Variants in CNTLN observed in about 807,000 individuals in gnomAD.
CNTLN encodes centlein, centrosomal protein.
Under a neutral mutation model 180.0 loss-of-function variants are expected in CNTLN, and 212 were observed. The observed-to-expected ratio is 1.18, with a 90% CI of 1.05 to 1.32. The LOEUF (loss-of-function observed/expected upper bound fraction) is 1.32, where lower values mean the gene tolerates loss of function less well. CNTLN is among the 40% of genes most tolerant of loss of function. CNTLN has a pLI of 0.00. For missense variants in CNTLN, 2,095 were observed against 1,610.9 expected, an observed-to-expected ratio of 1.30 and a Z score of -5.14; for synonymous variants, 722 against 563.1, an observed-to-expected ratio of 1.28 and a Z score of -3.99.
downstream of CNTLN, among the ~76,000 whole-genome samples, chr9:17,505,098 T>G (rs1833908700): frequency 6.6e-6 from 1 of 151,552 alleles, no homozygotes; most frequent in South Asian, 2.1e-4. Flanking sequence ...TCATAAAATT[T>G]GATATAGAAA....
chr9:17,302,932 C>A (rs577115581), intron 7 of CNTLN, among the ~76,000 whole-genome samples: 2 of 152,088 alleles, frequency 1.3e-5, no homozygotes, highest in South Asian at 4.1e-4. Flanking sequence ...TTATGTAAAT[C>A]GAGATAAAAA....
chr9:17,359,365 T>G (rs1823110998), intron 12 of CNTLN, among the ~76,000 whole-genome samples: 1 of 151,946 alleles, frequency 6.6e-6, no homozygotes, highest in African/African-American at 2.4e-5. Flanking sequence ...AATGAAAAAT[T>G]GATAAATTGG....
At chr9:17,162,583 T>C (rs76653511) in intron 2 of CNTLN, among the ~76,000 whole-genome samples, 1,700 of 152,340 alleles carry the variant, frequency 0.011, 18 homozygotes, top group Non-Finnish European at 0.017. Context: ...AATAGTGGTC[T>C]TCAGGGAATC....
chr9:17,421,787 A>G (rs987529935), intron 18 of CNTLN, among the ~76,000 whole-genome samples: 7 of 152,160 alleles, frequency 4.6e-5, no homozygotes, highest in Admixed American at 4.6e-4. Context: ...CTTTGTAACC[A>G]ATTATTTTAA....
chr9:17,515,445 T>G, the CNTLN span, among the ~76,000 whole-genome samples: 19 of 152,270 alleles, frequency 1.2e-4, no homozygotes, highest in African/African-American at 2.6e-4. Flanking sequence ...TTTCCAGCCC[T>G]GACATCTCCC....
chr9:17,284,767 T>A (rs1163426132), intron 6 of CNTLN, among the ~76,000 whole-genome samples: 3 of 152,126 alleles, frequency 2.0e-5, no homozygotes, highest in Non-Finnish European at 4.4e-5. Context: ...TCAATTCTGC[T>A]CTGATCTTGG....
intron 24 of CNTLN, among the ~76,000 whole-genome samples, chr9:17,485,733 A>T (rs1230303217): frequency 6.6e-6 from 1 of 152,154 alleles, no homozygotes; most frequent in African/African-American, 2.4e-5. Context: ...TTACATGTAC[A>T]TGATGCTAAC....
At chr9:17,151,986 T>C (rs1212827053) in intron 2 of CNTLN, among the ~76,000 whole-genome samples, 1 of 152,218 alleles carries the variant, frequency 6.6e-6, no homozygotes, top group Admixed American at 6.5e-5. Flanking sequence ...AGTCTGTATT[T>C]CTTTGGGATC....
At chr9:17,514,675 T>C in the CNTLN span, among the ~76,000 whole-genome samples, 1 of 152,170 alleles carries the variant, frequency 6.6e-6, no homozygotes, top group African/African-American at 2.4e-5. Context: ...ATTCCAAGTG[T>C]ACTGGTTTTT....
At chr9:17,299,793 C>T (rs1411776937) in intron 7 of CNTLN, 4 of 983,916 alleles carry the variant, frequency 4.1e-6, no homozygotes, top group African/African-American at 1.7e-5. Flanking sequence ...TTCTCTTTTT[C>T]CCCCATTGAT....
rs1353076334 is a variant in CNTLN, at chr9:17,288,327, A to T, written c.984-9863A>T. On this transcript the variant is annotated intron_variant, in intron 6 of 25. Coordinates refer to ENST00000380647, the MANE Select transcript of CNTLN (RefSeq NM_017738.4). ...ATGTAGTTGAGCGGCTTTGAGTGAG[A>T]TTCTTAATCCTGAGTTCTAGTTTGA... is the stretch of plus-strand genomic sequence containing the variant. Among the ~76,000 whole-genome samples, 38 of 116,864 alleles carry T rather than the reference A, an allele frequency of 3.3e-4. 2 individuals carry two copies. Among genetic ancestry groups the T allele is most frequent in the African/African-American group, 6.5e-4 (17 of 26,158 alleles). 76.7% of individuals were successfully genotyped at this position (116,864 alleles called of 152,430 possible).
At chr9:17,247,726 C>G (rs764173923) in intron 5 of CNTLN, among the ~76,000 whole-genome samples, 1 of 150,764 alleles carries the variant, frequency 6.6e-6, no homozygotes, top group East Asian at 1.9e-4. Flanking sequence ...CACTTCCTCT[C>G]ACCAGGTGTT....
At chr9:17,351,526 A>G (rs111283814) in intron 12 of CNTLN, among the ~76,000 whole-genome samples, 64 of 152,232 alleles carry the variant, frequency 4.2e-4, no homozygotes, top group African/African-American at 1.4e-3. Flanking sequence ...GTTTCCTCAA[A>G]CCAGAAACCA....
At chr9:17,204,585 C>A (rs1436035023) in intron 2 of CNTLN, among the ~76,000 whole-genome samples, 1 of 152,182 alleles carries the variant, frequency 6.6e-6, no homozygotes, top group Non-Finnish European at 1.5e-5. Context: ...CCAGCAGGAG[C>A]TCTCCTGTAT....
At chr9:17,411,976 G>T (rs1827879929) in intron 16 of CNTLN, among the ~76,000 whole-genome samples, 1 of 152,130 alleles carries the variant, frequency 6.6e-6, no homozygotes, top group African/African-American at 2.4e-5. Flanking sequence ...GAGGCCAAGT[G>T]CAGAGATGGG....
chr9:17,318,244 T>C (rs796913829), intron 8 of CNTLN, among the ~76,000 whole-genome samples: 1 of 152,164 alleles, frequency 6.6e-6, no homozygotes, highest in African/African-American at 2.4e-5. Context: ...TTAGCCAAGA[T>C]GGTCTCGGTT....
intron 2 of CNTLN, among the ~76,000 whole-genome samples, chr9:17,157,584 A>G (rs141490868): frequency 6.6e-6 from 1 of 152,252 alleles, no homozygotes; most frequent in Non-Finnish European, 1.5e-5. Context: ...TCTGGAAGAG[A>G]TTAGCGTTTG....
the CNTLN span, among the ~76,000 whole-genome samples, chr9:17,521,623 G>A: frequency 3.3e-5 from 5 of 151,956 alleles, no homozygotes; most frequent in African/African-American, 9.7e-5. Context: ...ATTTAGGATC[G>A]CCCTTTTCTC....
chr9:17,308,051 C>T (rs1818853063), intron 7 of CNTLN, among the ~76,000 whole-genome samples: 4 of 147,184 alleles, frequency 2.7e-5, no homozygotes, highest in African/African-American at 1.0e-4. Flanking sequence ...CTAGTGTCAG[C>T]CACAGATATA....
Sources: gnomAD v4.1 joint callset for allele counts (sites outside exome capture counted in the v4.1 genomes callset) on GRCh38, gnomAD v4.1.1 for gene constraint, MANE v1.5 for transcripts, NCBI Gene and HGNC (gene_info 2026-07-23, HGNC 2026-07-21) for gene names.